Variants in CDH4 observed in about 807,000 individuals in gnomAD.
The protein encoded by CDH4 is cadherin 4.
CDH4 carries 33 observed loss-of-function variants against 86.0 expected under a neutral mutation model. The observed-to-expected ratio is 0.38, with a 90% CI of 0.29 to 0.51. The LOEUF (loss-of-function observed/expected upper bound fraction) is 0.51. Ranked by LOEUF, CDH4 falls within the 20% of genes least tolerant of loss-of-function variation. CDH4 has a pLI of 0.86. For synonymous variants in CDH4, 555 were observed against 549.4 expected (o/e 1.01, Z -0.14); for missense variants, 1,114 against 1,307.4 (o/e 0.85, Z 2.28).
At chr20:61,686,815 G>A (rs369986968) in intron 2 of CDH4, among the ~76,000 whole-genome samples, 1 of 152,198 alleles carries the variant, frequency 6.6e-6, no homozygotes, top group Non-Finnish European at 1.5e-5. Flanking sequence ...GCATGCATGT[G>A]TGGTCATGTG....
intron 2 of CDH4, among the ~76,000 whole-genome samples, chr20:61,595,762 G>T (rs1016390785): frequency 3.3e-5 from 5 of 152,222 alleles, no homozygotes; most frequent in African/African-American, 9.7e-5. Flanking sequence ...GCAGAGCTGG[G>T]CCACTGGATG....
At chr20:61,830,260 C>T (rs1451966471) in intron 4 of CDH4, among the ~76,000 whole-genome samples, 1 of 152,138 alleles carries the variant, frequency 6.6e-6, no homozygotes, top group African/African-American at 2.4e-5. Context: ...ATCCCTGCAC[C>T]TGCGCAGCAC....
Position 61,676,215 on chromosome 20 carries a change from T to TGTCAGGAACG in CDH4, c.170-67335_170-67326dup, listed in dbSNP as rs545465930. 2.6e-5 allele frequency among the ~76,000 whole-genome samples: 4 copies of TGTCAGGAACG among 152,324 alleles called. No individual in the cohort carries two copies. The highest frequency in any genetic ancestry group is 9.6e-5 in the African/African-American group (4 of 41,572). On this transcript the variant is annotated intron_variant, in intron 2 of 15. Coordinates refer to ENST00000614565, the MANE Select transcript of CDH4 (RefSeq NM_001794.5). The surrounding 1 kb of genome is among the most constrained non-coding windows in gnomAD (Gnocchi z 4.5). ...GTCATTCCCATTAACATTCGCCTGG[T>TGTCAGGAACG]GTCAGGAACGGTCAGGAACGGTGGG... is the stretch of plus-strand genomic sequence containing the variant.
At chr20:61,809,588 C>T (rs1980322889) in intron 4 of CDH4, among the ~76,000 whole-genome samples, 1 of 152,148 alleles carries the variant, frequency 6.6e-6, no homozygotes. Context: ...AGGCTGTGAG[C>T]ACACAAGGCA....
intron 2 of CDH4, among the ~76,000 whole-genome samples, chr20:61,463,107 T>G (rs2085453443): frequency 1.3e-5 from 2 of 152,166 alleles, no homozygotes; most frequent in African/African-American, 4.8e-5. Context: ...CTGCACAAAC[T>G]CTCTCTTGCC....
intron 8 of CDH4, among the ~76,000 whole-genome samples, chr20:61,906,293 T>A (rs955228110): frequency 6.6e-6 from 1 of 152,200 alleles, no homozygotes; most frequent in African/African-American, 2.4e-5. Context: ...ACGGGTGATA[T>A]GTAAATGAAT....
At chr20:61,376,404 C>A (rs1030853825) in intron 2 of CDH4, among the ~76,000 whole-genome samples, 1 of 152,014 alleles carries the variant, frequency 6.6e-6, no homozygotes, top group Non-Finnish European at 1.5e-5. Flanking sequence ...GAAAGCCAGG[C>A]TCTGGCCAGG....
In CDH4 at chr20:61,676,740, G is replaced by A. The variant is rs1278201653; in HGVS notation, c.170-66823G>A. On this transcript the variant is annotated intron_variant, in intron 2 of 15. Coordinates refer to ENST00000614565, the MANE Select transcript of CDH4 (RefSeq NM_001794.5). This position sits in a 1 kb window ranked among gnomAD's most constrained non-coding sequence, Gnocchi z 4.5. ...ACCTTGATGTAATACAAATGTAAAT[G>A]ATGCTGCATTTCAGAAGGTGGTGTT... is the stretch of plus-strand genomic sequence containing the variant. Among the ~76,000 whole-genome samples the A allele has an allele frequency of 1.3e-5, 2 of 152,236 alleles. No homozygotes were observed. Among genetic ancestry groups the A allele is most frequent in the Admixed American group, 6.5e-5 (1 of 15,288 alleles).
Position 61,540,140 on chromosome 20 carries a change from A to T in CDH4, c.170-203423A>T, listed in dbSNP as rs1384930726. 2.6e-5 allele frequency among the ~76,000 whole-genome samples: 4 copies of T among 152,220 alleles called. No individual in the cohort carries two copies. The East Asian group carries it at 7.7e-4, about 29-fold the overall frequency. On this transcript the variant is annotated intron_variant, in intron 2 of 15. Transcript: ENST00000614565. ...TAGCTCTCCCAGGTCCTCCTGGAGC[A>T]GGGCCTGGCACCACATGGACACTCG...
chr20:61,818,831 T>C (rs1460292522), intron 4 of CDH4, among the ~76,000 whole-genome samples: 1 of 151,918 alleles, frequency 6.6e-6, no homozygotes, highest in Non-Finnish European at 1.5e-5. Context: ...CCTCTGTTTA[T>C]CCACACCCCC....
intron 2 of CDH4, among the ~76,000 whole-genome samples, chr20:61,473,753 G>A (rs367614258): frequency 4.0e-5 from 6 of 151,746 alleles, no homozygotes; most frequent in African/African-American, 1.5e-4. Flanking sequence ...ACACAGACAC[G>A]CAGACACACA....
intron 3 of CDH4, among the ~76,000 whole-genome samples, chr20:61,768,327 A>G (rs1262307803): frequency 1.3e-5 from 2 of 152,174 alleles, no homozygotes; most frequent in Non-Finnish European, 2.9e-5. Context: ...ACATCTGTGC[A>G]TATTTGACGT....
At chr20:61,333,264 TACACAC>T (rs11467480) in intron 2 of CDH4, among the ~76,000 whole-genome samples, 2,337 of 150,836 alleles carry the variant, frequency 0.015, 54 homozygotes, top group African/African-American at 0.053. Context: ...CACACACATG[TACACAC>T]ACACACACAC....
At chr20:61,784,311 A>G (rs1438478300) in intron 4 of CDH4, among the ~76,000 whole-genome samples, 4 of 13,098 alleles carry the variant, frequency 3.1e-4, no homozygotes, top group Non-Finnish European at 5.2e-4. Context: ...TGTGCCCCCA[A>G]GAGAAATGTA....
At chr20:61,602,983 G>A (rs541144001) in intron 2 of CDH4, among the ~76,000 whole-genome samples, 1 of 152,374 alleles carries the variant, frequency 6.6e-6, no homozygotes, top group South Asian at 2.1e-4. Flanking sequence ...TGCGTGATCT[G>A]CAGGCGTCTT....
chr20:61,382,915 G>T (rs2084912356), intron 2 of CDH4, among the ~76,000 whole-genome samples: 1 of 151,670 alleles, frequency 6.6e-6, no homozygotes, highest in Non-Finnish European at 1.5e-5. Context: ...CAGGTAACTA[G>T]GGTTAGGATA....
intron 12 of CDH4, among the ~76,000 whole-genome samples, chr20:61,929,159 C>CTTTT (rs11474756): frequency 2.0e-5 from 3 of 148,528 alleles, no homozygotes; most frequent in Admixed American, 6.7e-5. Context: ...TCTCCAATGT[C>CTTTT]TTTTTTTTTT....
chr20:61,353,684 C>CTCCTCTTCCCTCT (rs2084728897), intron 2 of CDH4, among the ~76,000 whole-genome samples: 4 of 10,016 alleles, frequency 4.0e-4, no homozygotes, highest in African/African-American at 9.0e-4. Context: ...CTCCTCCTCC[C>CTCCTCTTCCCTCT]CCTCCTCCTC....
At position 61,518,659 on chromosome 20, in the gene CDH4, CATCT is replaced by C. The variant is rs2085843842; in HGVS notation, c.170-224900_170-224897del. Among the ~76,000 whole-genome samples the C allele has an allele frequency of 6.6e-6, 1 of 151,706 alleles. No homozygotes were observed. The highest frequency in any genetic ancestry group is 2.1e-4 in the South Asian group (1 of 4,798). Reference sequence around the variant, plus strand: ...CCATTTATCCATCCATTCATCCTTCCATCTATCATCCTTTATTCATCCATCCTTC... The same window carrying C: ...CCATTTATCCATCCATTCATCCTTCCATCATCCTTTATTCATCCATCCTTC... On this transcript the variant is annotated intron_variant, in intron 2 of 15. Coordinates refer to ENST00000614565, the MANE Select transcript of CDH4 (RefSeq NM_001794.5). The surrounding 1 kb of genome is among the most constrained non-coding windows in gnomAD (Gnocchi z 6.3).
Sources: gnomAD v4.1 joint callset for allele counts (sites outside exome capture counted in the v4.1 genomes callset) on GRCh38, gnomAD v4.1.1 for gene constraint, Gnocchi (gnomAD v3.1) non-coding constraint, MANE v1.5 for transcripts, NCBI Gene and HGNC (gene_info 2026-07-23, HGNC 2026-07-21) for gene names.